VIT: variants seen among roughly 807,000 people sequenced by gnomAD.
VIT encodes vitrin.
Under a neutral mutation model 78.0 loss-of-function variants are expected in VIT, and 99 were observed. The ratio of observed to expected loss-of-function variants is 1.27; its 90% CI spans 1.08 to 1.50. The LOEUF is 1.50. Ranked by LOEUF, VIT falls within the 40% of genes most tolerant of loss-of-function variation. The probability of loss-of-function intolerance (pLI) is 0.00; values close to 1 mark genes in which losing one functional copy is unlikely to be tolerated. For missense variants in VIT, 1,126 were observed against 875.3 expected (o/e 1.29, Z -3.61); for synonymous variants, 374 against 334.3 (o/e 1.12, Z -1.29).
At chr2:36,715,265 C>T (rs1281435088) in intron 1 of VIT, among the ~76,000 whole-genome samples, 1 of 152,132 alleles carries the variant, frequency 6.6e-6, no homozygotes, top group African/African-American at 2.4e-5. Flanking sequence ...GCCAACTGGG[C>T]TCAGGGGCTC....
At chr2:36,721,270 A>C (rs892934470) in intron 2 of VIT, among the ~76,000 whole-genome samples, 6 of 152,288 alleles carry the variant, frequency 3.9e-5, no homozygotes, top group African/African-American at 1.4e-4. Context: ...TTTATTTGTC[A>C]ATTATACCTT....
At chr2:36,745,942 T>C (rs1668107965) in intron 4 of VIT, among the ~76,000 whole-genome samples, 1 of 152,206 alleles carries the variant, frequency 6.6e-6, no homozygotes, top group Non-Finnish European at 1.5e-5. Flanking sequence ...GCTGTGGATT[T>C]GTCATAGATA....
chr2:36,788,397 C>A (rs1432384051), intron 12 of VIT, among the ~76,000 whole-genome samples: 1 of 152,104 alleles, frequency 6.6e-6, no homozygotes, highest in African/African-American at 2.4e-5. Flanking sequence ...TTCATAAGAA[C>A]CTACATTTGT....
intron 3 of VIT, among the ~76,000 whole-genome samples, chr2:36,741,328 C>A (rs1474696495): frequency 6.6e-6 from 1 of 152,150 alleles, no homozygotes; most frequent in African/African-American, 2.4e-5. Flanking sequence ...AGGAGGCAAC[C>A]TTTGATGGGG....
At chr2:36,805,960 A>T (rs1666693108) in intron 14 of VIT, among the ~76,000 whole-genome samples, 1 of 152,144 alleles carries the variant, frequency 6.6e-6, no homozygotes, top group Admixed American at 6.5e-5. Context: ...AGGAGCCTTT[A>T]CACATGCATG....
intron 4 of VIT, among the ~76,000 whole-genome samples, chr2:36,746,898 G>T (rs908815710): frequency 6.6e-6 from 1 of 152,122 alleles, no homozygotes; most frequent in South Asian, 2.1e-4. Context: ...ATATTAGATT[G>T]TTAATATGAG....
At chr2:36,704,138 C>T (rs2148414922) in intron 1 of VIT, among the ~76,000 whole-genome samples, 1 of 152,044 alleles carries the variant, frequency 6.6e-6, no homozygotes, top group South Asian at 2.1e-4. Context: ...GTTGGCTAGG[C>T]TGGTCTCGAA....
At chr2:36,783,455 C>A in intron 11 of VIT, 53 bp downstream of exon 11, 2 of 1,572,778 alleles carry the variant, frequency 1.3e-6, no homozygotes, top group South Asian at 1.1e-5. Context: ...CTGAACTGCT[C>A]TCTCCTCTCT....
chr2:36,810,632 A>AT (rs35104207), intron 15 of VIT, among the ~76,000 whole-genome samples: 7,145 of 141,874 alleles, frequency 0.05, 407 homozygotes, highest in East Asian at 0.19. Context: ...CTGTGCCTAA[A>AT]TTTTTTTTTT....
intron 3 of VIT, among the ~76,000 whole-genome samples, chr2:36,730,857 G>C (rs999052454): frequency 6.6e-6 from 1 of 152,182 alleles, no homozygotes; most frequent in Non-Finnish European, 1.5e-5. Context: ...GGACTTTTAC[G>C]GACTCAGAAT....
chr2:36,783,208 G>GA (rs971942460), intron 10 of VIT, 132 bp from the exon 11 acceptor site: 7 of 721,992 alleles, frequency 9.7e-6, no homozygotes, highest in South Asian at 6.0e-5. Context: ...GGGGTGATGT[G>GA]AAAAAAAGCA....
intron 3 of VIT, among the ~76,000 whole-genome samples, chr2:36,738,706 G>A (rs997973969): frequency 3.3e-5 from 5 of 152,136 alleles, no homozygotes; most frequent in Non-Finnish European, 7.4e-5. Flanking sequence ...AAGGAAAAAG[G>A]GTTTCAGAGG....
At chr2:36,717,402 G>C (rs1573137617) in intron 2 of VIT, among the ~76,000 whole-genome samples, 1 of 140,840 alleles carries the variant, frequency 7.1e-6, no homozygotes, top group African/African-American at 2.6e-5. Context: ...GTGTTTAGTA[G>C]AGATGGGGTT....
intron 13 of VIT, among the ~76,000 whole-genome samples, chr2:36,804,071 G>A (rs1289000909): frequency 6.6e-6 from 1 of 152,208 alleles, no homozygotes; most frequent in Non-Finnish European, 1.5e-5. Context: ...TCATTGTCTA[G>A]TTGACTCTGA....
intron 1 of VIT, among the ~76,000 whole-genome samples, chr2:36,699,516 T>TTTTATATATATATATA (rs10661448): frequency 4.7e-5 from 7 of 148,854 alleles, no homozygotes; most frequent in South Asian, 2.1e-4. Flanking sequence ...TTAGAGGGGG[T>TTTTATATATATATATA]TATATATATA....
chr2:36,809,087 T>C, intron 15 of VIT, 102 bp downstream of exon 15: 1 of 1,439,644 alleles, frequency 6.9e-7, no homozygotes, highest in East Asian at 2.4e-5. Flanking sequence ...ATTGGTTTTT[T>C]CTGCGACTTA....
At chr2:36,729,599 T>A (rs1573169401) in intron 3 of VIT, 108 bp downstream of exon 3, 2 of 1,082,074 alleles carry the variant, frequency 1.8e-6, no homozygotes, top group East Asian at 4.9e-5. Flanking sequence ...TTTATCTCTA[T>A]GTCAATTAAT....
chr2:36,759,062 T>C lies in VIT; in HGVS notation c.487+16T>C, dbSNP rs1668948307. The C allele has an allele frequency of 5.0e-6, 8 of 1,614,150 alleles. No individual in the cohort carries two copies. The South Asian group carries it at 8.8e-5, about 18-fold the overall frequency. On this transcript the variant is annotated intron_variant, in intron 6 of 15. Transcript: ENST00000379242. ...GCCCAAGCAGGCAAGTGCTCACGTG[T>C]GATTGAATCTAAACCTTCTGAGTCC...
chr2:36,753,584 G>T (rs568979618), intron 4 of VIT, among the ~76,000 whole-genome samples: 1 of 152,264 alleles, frequency 6.6e-6, no homozygotes, highest in South Asian at 2.1e-4. Context: ...AGGTAGCAAA[G>T]TCATGTCAGA....
Sources: allele counts gnomAD v4.1 joint callset (sites outside exome capture counted in the v4.1 genomes callset), GRCh38; gene constraint gnomAD v4.1.1; transcripts MANE v1.5; gene names NCBI Gene and HGNC (gene_info 2026-07-23, HGNC 2026-07-21).